SIN3B: variants seen among roughly 807,000 people sequenced by gnomAD.
SIN3B encodes the protein SIN3 transcription regulator family member B.
A neutral mutation model predicts 120.2 loss-of-function variants in SIN3B; 19 were observed. That is an observed-to-expected ratio of 0.16 (90% confidence interval 0.11 to 0.23). The LOEUF (loss-of-function observed/expected upper bound fraction) is 0.23, where lower values mean the gene tolerates loss of function less well. Ranked by LOEUF, SIN3B falls within the 10% of genes least tolerant of loss-of-function variation. The pLI is 1.00. For missense variants in SIN3B, 1,073 were observed against 1,573.0 expected (o/e 0.68, Z 5.38); for synonymous variants, 654 against 653.2 (o/e 1.00, Z -0.02).
At chr19:16,841,631 A>G (rs752628163) in intron 3 of SIN3B, 137 bp from the exon 4 acceptor site, 6 of 790,068 alleles carry the variant, frequency 7.6e-6, no homozygotes, top group East Asian at 2.6e-5. Flanking sequence ...CTCAGAAGTA[A>G]CCTTTCCCTG....
At chr19:16,839,369 A>G (rs1971388278) in intron 3 of SIN3B, among the ~76,000 whole-genome samples, 1 of 152,148 alleles carries the variant, frequency 6.6e-6, no homozygotes, top group Admixed American at 6.5e-5. Context: ...TCCATGGTCA[A>G]CCTGTTGAGG....
rs117237096 is a variant in SIN3B, at chr19:16,842,955, G to A, written c.582+987G>A. Among the ~76,000 whole-genome samples, 973 of 152,334 alleles carry A rather than the reference G, an allele frequency of 6.4e-3. 4 individuals are homozygous for A. Among genetic ancestry groups the A allele is most frequent in the Non-Finnish European group, 9.1e-3 (619 of 68,036 alleles). On this transcript the variant is annotated intron_variant, in intron 4 of 18. Coordinates refer to ENST00000248054, the MANE Select transcript of SIN3B (RefSeq NM_001297595.2). ...AGGTCCAGAGACCAGAGCAGACAGC[G>A]GCATCAGGGCGTCTGCAGGGGACTT...
chr19:16,829,426 G>A lies in SIN3B; in HGVS notation c.6G>A (p.Ala2=). 8.3e-7 allele frequency: 1 copy of A among 1,205,856 alleles called. No homozygotes were observed. The allele number at this position is 1,205,856 out of a possible 1,614,324, so 74.7% of individuals were successfully genotyped here. A position where few individuals can be genotyped will look rare whatever the true frequency, so the allele number is the denominator to read the frequency against. Reference sequence around the variant, plus strand: ...GCGCAGCTCCGACTTCGGACATGGCGCACGCTGGCGGTGGCAGCGGTGGCA... The same window carrying A: ...GCGCAGCTCCGACTTCGGACATGGCACACGCTGGCGGTGGCAGCGGTGGCA... M[A]HAGGGSGGSG... Residue 2 remains alanine (A), a synonymous_variant, in exon 1 of 19, where the codon GCG becomes GCA. Coordinates refer to ENST00000248054, the MANE Select transcript of SIN3B (RefSeq NM_001297595.2).
rs760203940 is a variant in SIN3B at position 16,851,504 on chromosome 19, G to A, written c.819G>A (p.Ser273=). ...ACAGCAGGAAGCGCTCCCGGCCCTC[G>A]CTCCTCCGCCCCGTGTCTGCACCCG... is the stretch of plus-strand genomic sequence containing the variant. ...PEHSRKRSRP[S]LLRPVSAPAK... The change falls in exon 6 of 19, where the codon TCG becomes TCA. Residue 273 remains serine (S), a synonymous_variant. Transcript: ENST00000248054. 1.6e-5 allele frequency: 25 copies of A among 1,607,924 alleles called. No individual in the cohort carries two copies. The highest frequency in any genetic ancestry group is 1.5e-4 in the Admixed American group (9 of 59,402).
intron 3 of SIN3B, among the ~76,000 whole-genome samples, chr19:16,838,264 C>G (rs910962145): frequency 3.3e-5 from 5 of 152,130 alleles, no homozygotes; most frequent in Admixed American, 2.6e-4. Context: ...TTAGTATATT[C>G]ACAATACTGT....
chr19:16,840,161 C>T (rs1599591053), intron 3 of SIN3B, among the ~76,000 whole-genome samples: 1 of 152,146 alleles, frequency 6.6e-6, no homozygotes, highest in Non-Finnish European at 1.5e-5. Context: ...ACCCCACATT[C>T]CACCCCAAAT....
chr19:16,847,352 T>C lies in SIN3B; in HGVS notation c.726+239T>C, dbSNP rs550375547. On this transcript the variant is annotated intron_variant, in intron 5 of 18. Transcript: ENST00000248054. ...TACAGACAGTACCTGGATCTTGGGG[T>C]GGTTTGGGAGGCAGAGAGCATCTTC... Among the ~76,000 whole-genome samples the C allele has an allele frequency of 2.8e-3, 433 of 151,950 alleles. 4 individuals are homozygous for C. The highest frequency in any genetic ancestry group is 0.01 in the African/African-American group (417 of 41,428).
In SIN3B at chr19:16,869,601, G is replaced by A. The variant is rs1568424877; in HGVS notation, c.1948G>A (p.Glu650Lys). The change falls in exon 13 of 19, where the codon GAG (glutamate) becomes AAG (lysine). Residue 650 changes from glutamate (E) to lysine (K), a missense_variant. Around this residue, in one of 7 missense-constraint regions of SIN3B, gnomAD observed 169 missense variants for 207.3 expected, o/e 0.82. Coordinates refer to ENST00000248054, the MANE Select transcript of SIN3B (RefSeq NM_001297595.2). ...YVKRQPAIQK[E>K]DQGTIHQLLH... Reference sequence around the variant, plus strand: ...GAAGCGGCAGCCGGCCATCCAGAAGGAGGACCAGGGCACCATCCACCAGCT... The same window carrying A: ...GAAGCGGCAGCCGGCCATCCAGAAGAAGGACCAGGGCACCATCCACCAGCT... 6.2e-7 allele frequency: 1 copy of A among 1,613,534 alleles called. No individual in the cohort carries two copies. Among genetic ancestry groups the A allele is most frequent in the Non-Finnish European group, 8.5e-7 (1 of 1,180,030 alleles).
At chr19:16,846,119 G>A (rs148573894) in intron 4 of SIN3B, among the ~76,000 whole-genome samples, 11 of 152,324 alleles carry the variant, frequency 7.2e-5, no homozygotes, top group Non-Finnish European at 1.2e-4. Context: ...TGTTCTGTCC[G>A]TATGCAGATA....
At chr19:16,867,553 G>A (rs916056319) in intron 12 of SIN3B, among the ~76,000 whole-genome samples, 2 of 152,172 alleles carry the variant, frequency 1.3e-5, no homozygotes, top group African/African-American at 4.8e-5. Context: ...GGTGGCTTAG[G>A]AGGGCACACT....
chr19:16,866,656 G>A, intron 12 of SIN3B, 100 bp downstream of exon 12: 1 of 1,192,244 alleles, frequency 8.4e-7, no homozygotes, highest in Non-Finnish European at 1.2e-6. Flanking sequence ...AGGCAGGGTA[G>A]TGGCATTGCC....
intron 17 of SIN3B, 123 bp downstream of exon 17, chr19:16,877,762 G>A (rs539512841): frequency 4.2e-6 from 3 of 717,696 alleles, no homozygotes; most frequent in East Asian, 2.7e-5. Context: ...TGCCTGCTGT[G>A]TGCTGAGGCA....
At chr19:16,873,529 C>A (rs546939975) in intron 14 of SIN3B, among the ~76,000 whole-genome samples, 116 of 150,828 alleles carry the variant, frequency 7.7e-4, no homozygotes, top group African/African-American at 2.6e-3. Context: ...CCCTCCCCCC[C>A]CCCCCAGGCT....
intron 8 of SIN3B, among the ~76,000 whole-genome samples, chr19:16,859,700 C>T (rs891422342): frequency 7.2e-5 from 11 of 152,160 alleles, no homozygotes; most frequent in Admixed American, 6.5e-4. Context: ...CTGTTTGTGA[C>T]GTGGGTGGTG....
intron 2 of SIN3B, 72 bp downstream of exon 2, chr19:16,829,969 C>A (rs1301516160): frequency 2.0e-6 from 2 of 1,011,846 alleles, no homozygotes; most frequent in Non-Finnish European, 3.1e-6. Context: ...GGTGAGACCT[C>A]CCCTCTCCAG....
Position 16,870,081 on chromosome 19 carries a change from G to C in SIN3B, c.2422+6G>C, listed in dbSNP as rs1599612144. Reference sequence around the variant, plus strand: ...GCTGCGGCTGAAGCAGCCCAGTAAGGCTCCAAAGCCTGCCGGGAGGCCCCG... The same window carrying C: ...GCTGCGGCTGAAGCAGCCCAGTAAGCCTCCAAAGCCTGCCGGGAGGCCCCG... On this transcript the variant is annotated splice_donor_region_variant and intron_variant, in intron 13 of 18. Coordinates refer to ENST00000248054, the MANE Select transcript of SIN3B (RefSeq NM_001297595.2). 2 of 1,583,422 alleles carry C rather than the reference G, an allele frequency of 1.3e-6. No homozygotes were observed. Among genetic ancestry groups the C allele is most frequent in the Non-Finnish European group, 1.7e-6 (2 of 1,163,324 alleles).
intron 10 of SIN3B, 39 bp from the exon 11 acceptor site, chr19:16,865,371 T>TC: frequency 7.4e-7 from 1 of 1,344,610 alleles, no homozygotes; most frequent in Non-Finnish European, 1.0e-6. Context: ...CCTCTTGAGT[T>TC]CCCCAGTGGC....
chr19:16,876,448 T>C lies in SIN3B; in HGVS notation c.2767-38T>C, dbSNP rs2051608646. The C allele has an allele frequency of 6.3e-7, 1 of 1,595,998 alleles. No homozygotes were observed. Among genetic ancestry groups the C allele is most frequent in the South Asian group, 1.1e-5 (1 of 90,296 alleles). ...AGCCTGCGCTGTGCCGGCTGGGCTG[T>C]GCCGGCAGTGGAGGCTGTCAGCGTT... On this transcript the variant is annotated intron_variant, in intron 15 of 18. Coordinates refer to ENST00000248054, the MANE Select transcript of SIN3B (RefSeq NM_001297595.2). The surrounding 1 kb of genome is among the most constrained non-coding windows in gnomAD (Gnocchi z 7.1).
intron 14 of SIN3B, 165 bp from the exon 15 acceptor site, chr19:16,875,881 CTGGTCTGTT>C: frequency 2.7e-6 from 2 of 735,918 alleles, no homozygotes. Flanking sequence ...CTGGTCTGGT[CTGGTCTGTT>C]TGGTCTGGTC....
Sources: gnomAD v4.1 joint callset for allele counts (sites outside exome capture counted in the v4.1 genomes callset) on GRCh38, gnomAD v4.1.1 for gene constraint, gnomAD v4.1.1 regional missense constraint, Gnocchi (gnomAD v3.1) non-coding constraint, MANE v1.5 for transcripts, NCBI Gene and HGNC (gene_info 2026-07-23, HGNC 2026-07-21) for gene names.